The following RTTN variants were observed in gnomAD, a reference collection of about 807,000 sequenced individuals.
RTTN encodes rotatin.
In RTTN, 182 loss-of-function variants were observed where a neutral mutation model predicts 269.2. That is an observed-to-expected ratio of 0.68 (90% CI 0.60 to 0.76). The LOEUF (loss-of-function observed/expected upper bound fraction) is 0.76, where lower values mean the gene tolerates loss of function less well. Ranked by LOEUF, RTTN falls within the 30% of genes least tolerant of loss-of-function variation. The pLI is 0.00. For synonymous variants in RTTN, 1,006 were observed against 963.5 expected (o/e 1.04, Z -0.82); for missense variants, 2,545 against 2,608.6 (o/e 0.98, Z 0.53).
intron 23 of RTTN, chr18:70,131,262 TA>T (rs1014951966): frequency 4.1e-5 from 6 of 147,128 alleles, no homozygotes; most frequent in African/African-American, 1.5e-4. Flanking sequence ...AAAAAAGCAA[TA>T]AAAAGTAACA....
intron 10 of RTTN, among the ~76,000 whole-genome samples, chr18:70,184,477 G>A (rs933706208): frequency 3.9e-5 from 6 of 152,078 alleles, no homozygotes; most frequent in African/African-American, 9.7e-5. Flanking sequence ...ACTTGAACCC[G>A]GGAGGCGGAC....
intron 46 of RTTN, among the ~76,000 whole-genome samples, chr18:70,009,692 C>T (rs2056310894): frequency 6.6e-6 from 1 of 152,152 alleles, no homozygotes; most frequent in Non-Finnish European, 1.5e-5. Flanking sequence ...AAACAACCAG[C>T]TAGCATCATA....
intron 32 of RTTN, 27 bp from the exon 33 acceptor site, chr18:70,075,568 G>A (rs2058407382): frequency 1.3e-6 from 2 of 1,491,880 alleles, no homozygotes; most frequent in East Asian, 2.5e-5. Context: ...AAAGAAGGAG[G>A]AGACACTGAT....
intron 14 of RTTN, among the ~76,000 whole-genome samples, chr18:70,155,959 G>A (rs1160697712): frequency 6.6e-6 from 1 of 151,950 alleles, no homozygotes; most frequent in Non-Finnish European, 1.5e-5. Flanking sequence ...TCTTAATCCT[G>A]TCATCTCGTA....
In RTTN at chr18:70,020,802, CAA is replaced by C. The variant is rs1355901110; in HGVS notation, c.5964_5965del (p.Cys1989LeufsTer14). On this transcript the variant is annotated frameshift_variant, in exon 45 of 49. Transcript: ENST00000640769. LOFTEE classifies it high-confidence loss of function. ...AGGGTGTTGTCCACAACTTGACCAA[CAA>C]AGAGAACTGCAACCTTCAAAAATAA... 8 of 1,611,680 alleles carry C rather than the reference CAA, an allele frequency of 5.0e-6. No homozygotes were observed. Among genetic ancestry groups the C allele is most frequent in the Non-Finnish European group, 6.8e-6 (8 of 1,178,728 alleles).
Position 70,004,134 on chromosome 18 carries a change from G to A in RTTN, c.*17C>T, listed in dbSNP as rs773226502. ...TGTTGATGACTGTCAGCTTCAAGGTGTAGCATCCCATGGCACTCAGGAAGA... is the reference window on the plus strand; with the variant it reads ...TGTTGATGACTGTCAGCTTCAAGGTATAGCATCCCATGGCACTCAGGAAGA... On this transcript the variant is annotated 3_prime_UTR_variant, in exon 49 of 49. Coordinates refer to ENST00000640769, the MANE Select transcript of RTTN (RefSeq NM_173630.4). 3.1e-6 allele frequency: 5 copies of A among 1,596,606 alleles called. No individual in the cohort carries two copies. In the South Asian group the frequency reaches 3.3e-5, roughly 11 times the overall value.
intron 34 of RTTN, among the ~76,000 whole-genome samples, chr18:70,072,022 T>G (rs377397100): frequency 6.6e-5 from 10 of 152,312 alleles, no homozygotes; most frequent in African/African-American, 2.4e-4. Flanking sequence ...TAAGAAAGTA[T>G]GCCTTGGTCG....
chr18:70,056,096 C>G (rs935759501), intron 37 of RTTN, among the ~76,000 whole-genome samples: 3 of 152,232 alleles, frequency 2.0e-5, no homozygotes, highest in African/African-American at 7.2e-5. Context: ...TGTTCACTGT[C>G]TGTCTCCTGC....
chr18:70,051,665 T>A (rs1599286556), intron 38 of RTTN, 117 bp from the exon 39 acceptor site: 3 of 640,692 alleles, frequency 4.7e-6, no homozygotes, highest in Non-Finnish European at 7.3e-6. Flanking sequence ...TGTGCACTTA[T>A]CAAATGAAGA....
At chr18:70,134,801 TCCTC>T (rs2060084008) in intron 22 of RTTN, among the ~76,000 whole-genome samples, 2 of 152,140 alleles carry the variant, frequency 1.3e-5, no homozygotes, top group South Asian at 4.1e-4. Context: ...TTTGTGCGTC[TCCTC>T]CCACGGATCC....
At chr18:70,074,306 C>T (rs1187964124) in intron 33 of RTTN, among the ~76,000 whole-genome samples, 2 of 152,004 alleles carry the variant, frequency 1.3e-5, no homozygotes, top group African/African-American at 2.4e-5. Context: ...GATGCCAATG[C>T]TGTTAGTTTA....
At chr18:70,097,304 G>C (rs1177012354) in intron 28 of RTTN, among the ~76,000 whole-genome samples, 1 of 152,124 alleles carries the variant, frequency 6.6e-6, no homozygotes, top group Non-Finnish European at 1.5e-5. Context: ...AAAGGAAACA[G>C]CTTTAATTAC....
chr18:70,019,575 G>T (rs1002074604), intron 45 of RTTN: 2 of 152,198 alleles, frequency 1.3e-5, no homozygotes, highest in Non-Finnish European at 2.9e-5. Context: ...ACTGATTGTG[G>T]TGAGGGTAGA....
At chr18:70,184,852 G>A (rs942962020) in intron 10 of RTTN, among the ~76,000 whole-genome samples, 24 of 149,744 alleles carry the variant, frequency 1.6e-4, no homozygotes, top group African/African-American at 5.1e-4. Flanking sequence ...CCGAGATGGC[G>A]CCACTGCACT....
intron 45 of RTTN, among the ~76,000 whole-genome samples, chr18:70,018,673 T>A (rs1189860303): frequency 6.6e-6 from 1 of 152,118 alleles, no homozygotes; most frequent in Non-Finnish European, 1.5e-5. Context: ...AACTGTAAAA[T>A]TACATGCCCA....
chr18:70,096,416 T>A (rs1326029945), intron 28 of RTTN, among the ~76,000 whole-genome samples: 1 of 152,218 alleles, frequency 6.6e-6, no homozygotes, highest in Non-Finnish European at 1.5e-5. Context: ...TTGCACTGGG[T>A]TTTCCTCATC....
chr18:70,031,867 C>A (rs1467178801), intron 40 of RTTN, among the ~76,000 whole-genome samples: 1 of 151,948 alleles, frequency 6.6e-6, no homozygotes, highest in Admixed American at 6.6e-5. Flanking sequence ...CTGCTCGGGG[C>A]TACCAAGCAC....
chr18:70,085,888 G>A (rs1308628039), intron 32 of RTTN, among the ~76,000 whole-genome samples: 1 of 152,048 alleles, frequency 6.6e-6, no homozygotes, highest in Non-Finnish European at 1.5e-5. Context: ...CAATATTTGG[G>A]TAATGAGTAC....
rs577879109 is a variant in RTTN at position 70,080,902 on chromosome 18, G to A, written c.4375-5361C>T. Among the ~76,000 whole-genome samples, 32 of 150,896 alleles carry A rather than the reference G, an allele frequency of 2.1e-4. No homozygotes were observed. In the South Asian group the frequency reaches 2.7e-3, roughly 13 times the overall value. On this transcript the variant is annotated intron_variant, in intron 32 of 48. Transcript: ENST00000640769. Reference sequence around the variant, plus strand: ...CCAATTCAAATGCCCATCCACCAATGAGTGGATAAACTGGTGTGTGTGGTA... The same window carrying A: ...CCAATTCAAATGCCCATCCACCAATAAGTGGATAAACTGGTGTGTGTGGTA...
Sources: gnomAD v4.1 joint callset for allele counts (sites outside exome capture counted in the v4.1 genomes callset) on GRCh38, gnomAD v4.1.1 for gene constraint, MANE v1.5 for transcripts, NCBI Gene and HGNC (gene_info 2026-07-23, HGNC 2026-07-21) for gene names.